Variants in KIF16B observed in about 807,000 individuals in gnomAD.
KIF16B encodes the protein kinesin family member 16B.
Under a neutral mutation model 156.3 loss-of-function variants are expected in KIF16B, and 98 were observed. The ratio of observed to expected loss-of-function variants is 0.63; its 90% CI spans 0.53 to 0.74. KIF16B has a LOEUF of 0.74. Among genes scored for constraint, KIF16B ranks in the 30% least tolerant of loss-of-function variants. The pLI is 0.00. For missense variants in KIF16B, 1,421 were observed against 1,606.5 expected, an observed-to-expected ratio of 0.88 and a Z score of 1.97; for synonymous variants, 564 against 583.7, an observed-to-expected ratio of 0.97 and a Z score of 0.49.
At chr20:16,461,780 T>C (rs1600458999) in intron 12 of KIF16B, among the ~76,000 whole-genome samples, 1 of 152,218 alleles carries the variant, frequency 6.6e-6, no homozygotes, top group South Asian at 2.1e-4. Flanking sequence ...GTGCATTATA[T>C]GCCCAAAAGA....
chr20:16,378,489 G>C (rs2065005341), intron 19 of KIF16B, among the ~76,000 whole-genome samples: 2 of 152,154 alleles, frequency 1.3e-5, no homozygotes, highest in South Asian at 4.1e-4. Context: ...AAACTTTCTA[G>C]TCTTGCATTT....
At chr20:16,551,221 T>C (rs1316197418) in intron 1 of KIF16B, among the ~76,000 whole-genome samples, 2 of 149,350 alleles carry the variant, frequency 1.3e-5, no homozygotes, top group Non-Finnish European at 3.0e-5. Flanking sequence ...AACCTCCGCC[T>C]CCTGGTTCAA....
At position 16,442,334 on chromosome 20, in the gene KIF16B, A is replaced by ATGTGTGTGTGTGTGTG. The variant is rs148957905; in HGVS notation, c.1303-12353_1303-12352insCACACACACACACACA. On this transcript the variant is annotated intron_variant, in intron 12 of 25. Coordinates refer to ENST00000354981, the MANE Select transcript of KIF16B (RefSeq NM_024704.5). ...ATTGGCTAGATTTAACCATTTCACAATGTGTGTGTGTGTGTATATATATAT... is the reference window on the plus strand; with the variant it reads ...ATTGGCTAGATTTAACCATTTCACAATGTGTGTGTGTGTGTGTGTGTGTGTGTGTGTATATATATAT... Among the ~76,000 whole-genome samples the ATGTGTGTGTGTGTGTG allele has an allele frequency of 2.2e-3, 323 of 145,208 alleles. 1 individual carries two copies. The highest frequency in any genetic ancestry group is 7.7e-3 in the African/African-American group (298 of 38,672).
intron 12 of KIF16B, among the ~76,000 whole-genome samples, chr20:16,445,711 G>A (rs2066914335): frequency 6.6e-6 from 1 of 152,158 alleles, no homozygotes; most frequent in South Asian, 2.1e-4. Flanking sequence ...CTTACACGGT[G>A]ACACTAAGTC....
intron 25 of KIF16B, among the ~76,000 whole-genome samples, chr20:16,299,458 C>T (rs2063439964): frequency 6.6e-6 from 1 of 152,092 alleles, no homozygotes; most frequent in African/African-American, 2.4e-5. Flanking sequence ...GTTGTATTAC[C>T]CTTTGCATGG....
At chr20:16,365,145 A>AACG (rs1433014578) in intron 22 of KIF16B, among the ~76,000 whole-genome samples, 1 of 152,200 alleles carries the variant, frequency 6.6e-6, no homozygotes, top group Non-Finnish European at 1.5e-5. Context: ...ACTGCAGTAT[A>AACG]ACTCTTTTTC....
chr20:16,487,209 G>A (rs959009193), intron 12 of KIF16B, among the ~76,000 whole-genome samples: 2 of 151,624 alleles, frequency 1.3e-5, no homozygotes, highest in African/African-American at 4.9e-5. Context: ...CCAAGATCGC[G>A]CCACTGCACT....
intron 25 of KIF16B, among the ~76,000 whole-genome samples, chr20:16,290,948 A>G (rs1480347853): frequency 1.3e-5 from 2 of 152,244 alleles, no homozygotes; most frequent in Non-Finnish European, 2.9e-5. Flanking sequence ...TTTTTCAAAC[A>G]GATATTACCT....
At chr20:16,430,537 C>A (rs1330152750) in intron 12 of KIF16B, among the ~76,000 whole-genome samples, 1 of 152,224 alleles carries the variant, frequency 6.6e-6, no homozygotes, top group East Asian at 1.9e-4. Flanking sequence ...CGTCTTTTGG[C>A]CTTGCCTCTC....
At chr20:16,285,551 T>C (rs996283928) in intron 25 of KIF16B, among the ~76,000 whole-genome samples, 1 of 152,200 alleles carries the variant, frequency 6.6e-6, no homozygotes. Context: ...GTGCAGTGGC[T>C]CACATCTCTA....
chr20:16,440,531 G>GCACACACACA (rs1289246735), intron 12 of KIF16B, among the ~76,000 whole-genome samples: 1 of 79,442 alleles, frequency 1.3e-5, no homozygotes, highest in Non-Finnish European at 2.5e-5. Flanking sequence ...ACACAAGCGC[G>GCACACACACA]CGCACACACA....
At chr20:16,365,099 GTTTTTC>G (rs2064635070) in intron 22 of KIF16B, among the ~76,000 whole-genome samples, 1 of 151,908 alleles carries the variant, frequency 6.6e-6, no homozygotes, top group Admixed American at 6.6e-5. Flanking sequence ...ATCATTAATT[GTTTTTC>G]TTTCTTTCTT....
chr20:16,365,322 G>A (rs2064640597), intron 22 of KIF16B, among the ~76,000 whole-genome samples: 1 of 152,182 alleles, frequency 6.6e-6, no homozygotes, highest in African/African-American at 2.4e-5. Flanking sequence ...CATGAGGGAA[G>A]ATGACCTACC....
At position 16,370,607 on chromosome 20, in the gene KIF16B, A is replaced by T. The variant is rs2064793279; in HGVS notation, c.3477T>A (p.Ile1159=). The change falls in exon 22 of 26, where the codon ATT becomes ATA. Residue 1159 remains isoleucine (I), a synonymous_variant. Transcript: ENST00000354981. ...CTACCTCATATTTTAGTTTACGTTG[A>T]ATGGTGCCATTGTGAAGTTTCTCAT... is the stretch of plus-strand genomic sequence containing the variant. ...KDNEKLHNGT[I]QRKLKYERMV... is the part of the protein sequence containing the mutation. The T allele has an allele frequency of 1.3e-6, 2 of 1,580,728 alleles. No homozygotes were observed. The highest frequency in any genetic ancestry group is 1.7e-6 in the Non-Finnish European group (2 of 1,170,244).
intron 25 of KIF16B, among the ~76,000 whole-genome samples, chr20:16,280,693 G>T (rs1043891417): frequency 6.6e-6 from 1 of 152,192 alleles, no homozygotes; most frequent in African/African-American, 2.4e-5. Context: ...TTCAAATGTA[G>T]GAGAAAGCCA....
At chr20:16,519,045 A>G (rs1317544016) in intron 3 of KIF16B, among the ~76,000 whole-genome samples, 1 of 152,220 alleles carries the variant, frequency 6.6e-6, no homozygotes, top group African/African-American at 2.4e-5. Flanking sequence ...TACAAACCTG[A>G]GCAAGTTCCT....
intron 25 of KIF16B, among the ~76,000 whole-genome samples, chr20:16,274,977 T>C (rs959212606): frequency 6.6e-5 from 10 of 152,118 alleles, no homozygotes; most frequent in African/African-American, 2.2e-4. Context: ...ACTTGTAAAA[T>C]AACTTAGTTT....
intron 1 of KIF16B, among the ~76,000 whole-genome samples, chr20:16,548,438 A>G (rs2070496971): frequency 6.6e-6 from 1 of 152,216 alleles, no homozygotes; most frequent in African/African-American, 2.4e-5. Flanking sequence ...GGCAGTAAGG[A>G]ACCGGGCCAC....
chr20:16,409,992 TGTAGGTAC>T lies in KIF16B; in HGVS notation c.1613-3544_1613-3537del, dbSNP rs1317581364. Reference sequence around the variant, plus strand: ...ATACATATATATATATATATATATATGTAGGTACATATATATATGTAGGTACATATATA... The same window carrying T: ...ATACATATATATATATATATATATATATATATATATGTAGGTACATATATA... On this transcript the variant is annotated intron_variant, in intron 15 of 25. Coordinates refer to ENST00000354981, the MANE Select transcript of KIF16B (RefSeq NM_024704.5). 1.2e-3 allele frequency among the ~76,000 whole-genome samples: 132 copies of T among 106,724 alleles called. 2 individuals are homozygous for T. The highest frequency in any genetic ancestry group is 1.5e-3 in the Non-Finnish European group (79 of 53,388). The allele number at this position is 106,724 out of a possible 152,430, so 70.0% of individuals were successfully genotyped here. A position where few individuals can be genotyped will look rare whatever the true frequency, so the allele number is the denominator to read the frequency against.
Sources: gnomAD v4.1 joint callset for allele counts (sites outside exome capture counted in the v4.1 genomes callset) on GRCh38, gnomAD v4.1.1 for gene constraint, MANE v1.5 for transcripts, NCBI Gene and HGNC (gene_info 2026-07-23, HGNC 2026-07-21) for gene names.